The following AMER2 variants were observed in gnomAD, a reference collection of about 807,000 sequenced individuals.
AMER2 encodes the protein APC membrane recruitment protein 2.
AMER2 carries 1 observed loss-of-function variant against 4.7 expected under a neutral mutation model. The observed-to-expected ratio is 0.21, with a 90% CI of 0.07 to 1.00. The LOEUF is 1.00. Among genes scored for constraint, AMER2 ranks in the 50% least tolerant of loss-of-function variants. The pLI is 0.60. For synonymous variants in AMER2, 485 were observed against 433.3 expected, an observed-to-expected ratio of 1.12 and a Z score of -1.48; for missense variants, 988 against 966.9, an observed-to-expected ratio of 1.02 and a Z score of -0.29.
Position 25,168,456 on chromosome 13 carries a change from G to T in AMER2, c.*1148C>A, listed in dbSNP as rs576039765. 23 of 152,004 alleles carry T rather than the reference G, an allele frequency of 1.5e-4. No homozygotes were observed. Among genetic ancestry groups the T allele is most frequent in the African/African-American group, 4.8e-4 (20 of 41,390 alleles). 9.4% of individuals were successfully genotyped at this position (152,004 alleles called of 1,614,324 possible). A position where few individuals can be genotyped will look rare whatever the true frequency, so the allele number is the denominator to read the frequency against. ...AAAAAAAATCTGAAAACAGGGTTTGGGGTGAGAAACAGACTCTTACCCAAA... is the reference window on the plus strand; with the variant it reads ...AAAAAAAATCTGAAAACAGGGTTTGTGGTGAGAAACAGACTCTTACCCAAA... On this transcript the variant is annotated 3_prime_UTR_variant, in exon 1 of 1. Transcript: ENST00000515384.
At position 25,169,968 on chromosome 13, in the gene AMER2, C is replaced by A; in HGVS notation, c.1652G>T (p.Ser551Ile). ...ATAGAGATCATAGAGCGCGTCCCCG[C>A]TGTAGCTATCCCGGGGGATGCCCGC... ...KKAGIPRDSY[S>I]GDALYDLYAD... Residue 551 changes from serine (S) to isoleucine (I), a missense_variant, in exon 1 of 1, where the codon AGC (serine) becomes ATC (isoleucine). Coordinates refer to ENST00000515384, the MANE Select transcript of AMER2 (RefSeq NM_152704.4). This position sits in a 1 kb window ranked among gnomAD's most constrained non-coding sequence, Gnocchi z 4.2. 1 of 1,614,158 alleles carries A rather than the reference C, an allele frequency of 6.2e-7. No individual in the cohort carries two copies. Among genetic ancestry groups the A allele is most frequent in the Non-Finnish European group, 8.5e-7 (1 of 1,180,018 alleles).
Position 25,170,904 on chromosome 13 carries a change from T to C in AMER2, c.716A>G (p.Glu239Gly). 6.8e-7 allele frequency: 1 copy of C among 1,472,962 alleles called. No individual in the cohort carries two copies. The highest frequency in any genetic ancestry group is 8.9e-7 in the Non-Finnish European group (1 of 1,119,732). 91.2% of individuals were successfully genotyped at this position (1,472,962 alleles called of 1,614,324 possible). ...CTCGCGCGCGGCTCTGGGCGTCTCC[T>C]CCTTGACGCACTCCAGGCTGGCGGT... is the stretch of plus-strand genomic sequence containing the variant. Reference protein sequence around the residue: ...SLTASLECVKEETPRAAREPE... With the variant: ...SLTASLECVKGETPRAAREPE... Residue 239 changes from glutamate to glycine, a missense_variant, in exon 1 of 1, where the codon GAG becomes GGG. By Grantham distance (98) the Glu-to-Gly change is moderately conservative (BLOSUM62 -2). Transcript: ENST00000515384. This position sits in a 1 kb window ranked among gnomAD's most constrained non-coding sequence, Gnocchi z 7.3.
rs968444615 is a variant in AMER2 at position 25,166,392 on chromosome 13, A to G, written c.*3212T>C. On this transcript the variant is annotated 3_prime_UTR_variant, in exon 1 of 1. Transcript: ENST00000515384. ...AAATGCTGTAGTAAAATTTCTCCCA[A>G]TTGGTGCTAATGGCAGGATAAACGC... The G allele has an allele frequency of 3.9e-5, 6 of 152,216 alleles. No homozygotes were observed. Among genetic ancestry groups the G allele is most frequent in the South Asian group, 2.1e-4 (1 of 4,828 alleles). 9.4% of individuals were successfully genotyped at this position (152,216 alleles called of 1,614,324 possible).
In AMER2 at chr13:25,169,032, G is replaced by A. The variant is rs1281790631; in HGVS notation, c.*572C>T. Reference sequence around the variant, plus strand: ...ATCAGTGGTCCCCTCTGCTCATCAGGTAAATACCTGGCTCTTTCAGCTTTG... The same window carrying A: ...ATCAGTGGTCCCCTCTGCTCATCAGATAAATACCTGGCTCTTTCAGCTTTG... On this transcript the variant is annotated 3_prime_UTR_variant, in exon 1 of 1. Transcript: ENST00000515384. This position sits in a 1 kb window ranked among gnomAD's most constrained non-coding sequence, Gnocchi z 4.2. 2.6e-5 allele frequency: 4 copies of A among 152,686 alleles called. No homozygotes were observed. Among genetic ancestry groups the A allele is most frequent in the African/African-American group, 7.2e-5 (3 of 41,464 alleles). The allele number at this position is 152,686 out of a possible 1,614,324, so 9.5% of individuals were successfully genotyped here.
At position 25,164,398 on chromosome 13, in the gene AMER2, G is replaced by A. The variant is rs1347252858; in HGVS notation, c.*5206C>T. 6.6e-6 allele frequency: 1 copy of A among 151,542 alleles called. No homozygotes were observed. The highest frequency in any genetic ancestry group is 1.9e-4 in the East Asian group (1 of 5,142). 9.4% of individuals were successfully genotyped at this position (151,542 alleles called of 1,614,324 possible). ...CCTACTCAGCATAGCACAGTGGCAG[G>A]GTTCCCTGTATATGATTGTGAGCAC... On this transcript the variant is annotated 3_prime_UTR_variant, in exon 1 of 1. Coordinates refer to ENST00000515384, the MANE Select transcript of AMER2 (RefSeq NM_152704.4).
In AMER2 at chr13:25,171,723, C is replaced by A; in HGVS notation, c.-104G>T. ...TGAGCCGCGCTCGCCGCCGCCGCTGCAAAAGAAACACACATAAAAGACCAT... is the reference window on the plus strand; with the variant it reads ...TGAGCCGCGCTCGCCGCCGCCGCTGAAAAAGAAACACACATAAAAGACCAT... On this transcript the variant is annotated 5_prime_UTR_variant, in exon 1 of 1. Transcript: ENST00000515384. This position sits in a 1 kb window ranked among gnomAD's most constrained non-coding sequence, Gnocchi z 5.9. 1 of 1,411,310 alleles carries A rather than the reference C, an allele frequency of 7.1e-7. No homozygotes were observed. The highest frequency in any genetic ancestry group is 9.1e-7 in the Non-Finnish European group (1 of 1,093,328). The allele number at this position is 1,411,310 out of a possible 1,614,324, so 87.4% of individuals were successfully genotyped here. A position where few individuals can be genotyped will look rare whatever the true frequency, so the allele number is the denominator to read the frequency against.
At position 25,171,085 on chromosome 13, in the gene AMER2, C is replaced by T. The variant is rs1956565496; in HGVS notation, c.535G>A (p.Glu179Lys). Residue 179 changes from glutamate to lysine, a missense_variant, in exon 1 of 1, where the codon GAG becomes AAG. Physicochemically the swap from Glu to Lys is moderately conservative, Grantham distance 56 (BLOSUM62 1). Coordinates refer to ENST00000515384, the MANE Select transcript of AMER2 (RefSeq NM_152704.4). This position sits in a 1 kb window ranked among gnomAD's most constrained non-coding sequence, Gnocchi z 5.9. The part of the protein sequence containing the change: ...KNGRSENGKG[E>K]PVDASKAGGK... ...CCGGCCTTGCTCGCGTCCACAGGCT[C>T]TCCCTTGCCGTTTTCCGAGCGCCCG... The T allele has an allele frequency of 1.9e-6, 3 of 1,572,610 alleles. No individual in the cohort carries two copies. Among genetic ancestry groups the T allele is most frequent in the Admixed American group, 1.8e-5 (1 of 55,242 alleles).
rs1411599537 is a variant in AMER2 at position 25,166,818 on chromosome 13, A to G, written c.*2786T>C. ...AAGTAGCCCTTGGCACAAGAAAGCA[A>G]CTATGATCCCTTTTCTATGGTTGGA... On this transcript the variant is annotated 3_prime_UTR_variant, in exon 1 of 1. Transcript: ENST00000515384. 6.6e-6 allele frequency: 1 copy of G among 152,164 alleles called. No individual in the cohort carries two copies. Among genetic ancestry groups the G allele is most frequent in the Non-Finnish European group, 1.5e-5 (1 of 68,020 alleles). The allele number at this position is 152,164 out of a possible 1,614,324, so 9.4% of individuals were successfully genotyped here. A position where few individuals can be genotyped will look rare whatever the true frequency, so the allele number is the denominator to read the frequency against.
Position 25,163,844 on chromosome 13 carries a change from T to A in AMER2, c.*5760A>T, listed in dbSNP as rs765607905. The A allele has an allele frequency of 1.3e-5, 2 of 152,284 alleles. No homozygotes were observed. The highest frequency in any genetic ancestry group is 4.8e-5 in the African/African-American group (2 of 41,520). The allele number at this position is 152,284 out of a possible 1,614,324, so 9.4% of individuals were successfully genotyped here. A position where few individuals can be genotyped will look rare whatever the true frequency, so the allele number is the denominator to read the frequency against. ...AGGTAACCCGGGCGTGGTGGCTCAT[T>A]GCCTGTAATCCCAACACTTTGGAGG... On this transcript the variant is annotated 3_prime_UTR_variant, in exon 1 of 1. Coordinates refer to ENST00000515384, the MANE Select transcript of AMER2 (RefSeq NM_152704.4).
At position 25,169,407 on chromosome 13, in the gene AMER2, G is replaced by T; in HGVS notation, c.*197C>A. The stretch of plus-strand genomic sequence containing the variant: ...TTATCTTGAGAGGAGAAACCCCCGT[G>T]TAGCATCCCTCTTTCTGGTGTTATC... On this transcript the variant is annotated 3_prime_UTR_variant, in exon 1 of 1. Transcript: ENST00000515384. The surrounding 1 kb of genome is among the most constrained non-coding windows in gnomAD (Gnocchi z 4.2). 5.3e-6 allele frequency: 3 copies of T among 571,210 alleles called. No homozygotes were observed. The highest frequency in any genetic ancestry group is 8.5e-6 in the Non-Finnish European group (3 of 352,992). The allele number at this position is 571,210 out of a possible 1,614,324, so 35.4% of individuals were successfully genotyped here. A position where few individuals can be genotyped will look rare whatever the true frequency, so the allele number is the denominator to read the frequency against.
In AMER2 at chr13:25,166,544, A is replaced by ATT. The variant is rs1182631471; in HGVS notation, c.*3058_*3059dup. The ATT allele has an allele frequency of 1.3e-5, 2 of 152,190 alleles. No individual in the cohort carries two copies. The highest frequency in any genetic ancestry group is 2.9e-5 in the Non-Finnish European group (2 of 68,028). 9.4% of individuals were successfully genotyped at this position (152,190 alleles called of 1,614,324 possible). On this transcript the variant is annotated 3_prime_UTR_variant, in exon 1 of 1. Coordinates refer to ENST00000515384, the MANE Select transcript of AMER2 (RefSeq NM_152704.4). ...CCGATAAATTTTCGCCCAACAATTG[A>ATT]TTTGACTTTTTCCTGTCTAATTTGG...
At position 25,170,594 on chromosome 13, in the gene AMER2, C is replaced by A. The variant is rs778649468; in HGVS notation, c.1026G>T (p.Ala342=). 2 of 1,588,612 alleles carry A rather than the reference C, an allele frequency of 1.3e-6. No homozygotes were observed. Among genetic ancestry groups the A allele is most frequent in the Non-Finnish European group, 1.7e-6 (2 of 1,167,528 alleles). Residue 342 remains alanine (A), a synonymous_variant, in exon 1 of 1, where the codon GCG becomes GCT. Coordinates refer to ENST00000515384, the MANE Select transcript of AMER2 (RefSeq NM_152704.4). This position sits in a 1 kb window ranked among gnomAD's most constrained non-coding sequence, Gnocchi z 7.3. ...LVDSEGGSGR[A]PAAPDPASVD... is the part of the protein sequence containing the mutation. ...CAGAGGCAGGGTCTGGGGCGGCGGGCGCCCGGCCGCTGCCGCCTTCGGAGT... is the reference window on the plus strand; with the variant it reads ...CAGAGGCAGGGTCTGGGGCGGCGGGAGCCCGGCCGCTGCCGCCTTCGGAGT...
rs1956410596 is a variant in AMER2 at position 25,161,825 on chromosome 13, T to C, written c.*7779A>G. On this transcript the variant is annotated 3_prime_UTR_variant, in exon 1 of 1. Transcript: ENST00000515384. ...AAGCTTCTTACATTCATTAAAAGAG[T>C]GACTATCAAAAACAGCAACATGCAC... 6.6e-6 allele frequency: 1 copy of C among 151,934 alleles called. No homozygotes were observed. Among genetic ancestry groups the C allele is most frequent in the Non-Finnish European group, 1.5e-5 (1 of 68,014 alleles). The allele number at this position is 151,934 out of a possible 1,614,324, so 9.4% of individuals were successfully genotyped here. A position where few individuals can be genotyped will look rare whatever the true frequency, so the allele number is the denominator to read the frequency against.
chr13:25,170,137 G>A lies in AMER2; in HGVS notation c.1483C>T (p.Arg495Trp), dbSNP rs372214037. The change falls in exon 1 of 1, where the codon CGG becomes TGG. Residue 495 changes from arginine to tryptophan, a missense_variant. By Grantham distance (101) the Arg-to-Trp change is moderately radical. Coordinates refer to ENST00000515384, the MANE Select transcript of AMER2 (RefSeq NM_152704.4). This position sits in a 1 kb window ranked among gnomAD's most constrained non-coding sequence, Gnocchi z 7.3. ...ASSVKRRRLNRIPIEPHPKEE... is the reference protein window; with the variant it reads ...ASSVKRRRLNWIPIEPHPKEE... ...TTAGGATGGGGCTCGATGGGAATCC[G>A]GTTGAGCCTCCTGCGCTTGACCGAG... 4.3e-6 allele frequency: 7 copies of A among 1,613,874 alleles called. No individual in the cohort carries two copies. The highest frequency in any genetic ancestry group is 5.9e-6 in the Non-Finnish European group (7 of 1,180,014).
At position 25,170,743 on chromosome 13, in the gene AMER2, T is replaced by G. The variant is rs1956551645; in HGVS notation, c.877A>C (p.Thr293Pro). 5.7e-6 allele frequency: 8 copies of G among 1,409,726 alleles called. No individual in the cohort carries two copies. The East Asian group carries it at 2.4e-4, about 42-fold the overall frequency. 87.3% of individuals were successfully genotyped at this position (1,409,726 alleles called of 1,614,324 possible). A position where few individuals can be genotyped will look rare whatever the true frequency, so the allele number is the denominator to read the frequency against. Residue 293 changes from threonine (T) to proline (P), a missense_variant, in exon 1 of 1, where the codon ACC (threonine) becomes CCC (proline). By Grantham distance (38) the Thr-to-Pro change is conservative. Coordinates refer to ENST00000515384, the MANE Select transcript of AMER2 (RefSeq NM_152704.4). The surrounding 1 kb of genome is among the most constrained non-coding windows in gnomAD (Gnocchi z 7.3). ...GCGGCGTCCTCTCCCCGGGCGCCGG[T>G]GTCGCCGGGGTGCGCGAGGCCCTCT... The part of the protein sequence containing the change: ...EAEGLAHPGD[T>P]GARGEDAAGH...
In AMER2 at chr13:25,171,449, C is replaced by T; in HGVS notation, c.171G>A (p.Glu57=). 2 of 1,611,954 alleles carry T rather than the reference C, an allele frequency of 1.2e-6. No individual in the cohort carries two copies. Among genetic ancestry groups the T allele is most frequent in the East Asian group, 2.2e-5 (1 of 44,736 alleles). ...CTTTATTAATCTTCCCCGACGGCGG[C>T]TCGGCGGCCGGCGTTTCGGCGGCAC... is the stretch of plus-strand genomic sequence containing the variant. ...CDCAAETPAA[E]PPSGKINKAA... is the part of the protein sequence containing the mutation. Residue 57 remains glutamate, a synonymous_variant, in exon 1 of 1, where the codon GAG becomes GAA. Transcript: ENST00000515384. The surrounding 1 kb of genome is among the most constrained non-coding windows in gnomAD (Gnocchi z 5.9).
At position 25,171,100 on chromosome 13, in the gene AMER2, C is replaced by T. The variant is rs1296346360; in HGVS notation, c.520G>A (p.Glu174Lys). 1 of 1,565,276 alleles carries T rather than the reference C, an allele frequency of 6.4e-7. No homozygotes were observed. Residue 174 changes from glutamate (E) to lysine (K), a missense_variant, in exon 1 of 1, where the codon GAA becomes AAA. Coordinates refer to ENST00000515384, the MANE Select transcript of AMER2 (RefSeq NM_152704.4). The surrounding 1 kb of genome is among the most constrained non-coding windows in gnomAD (Gnocchi z 5.9). ...TCCACAGGCTCTCCCTTGCCGTTTT[C>T]CGAGCGCCCGTTCTTCTTCAGCAGC... ...FSLLKKNGRS[E>K]NGKGEPVDAS...
chr13:25,170,819 C>A lies in AMER2; in HGVS notation c.801G>T (p.Glu267Asp). The A allele has an allele frequency of 7.1e-7, 1 of 1,409,574 alleles. No individual in the cohort carries two copies. Among genetic ancestry groups the A allele is most frequent in the East Asian group, 2.8e-5 (1 of 35,826 alleles). 87.3% of individuals were successfully genotyped at this position (1,409,574 alleles called of 1,614,324 possible). A position where few individuals can be genotyped will look rare whatever the true frequency, so the allele number is the denominator to read the frequency against. ...RDPAGEPAGG[E>D]EVPAPADRAP... The stretch of plus-strand genomic sequence containing the variant: ...CGCGGTCGGCGGGGGCGGGCACCTC[C>A]TCTCCCCCTGCGGGCTCACCTGCTG... Residue 267 changes from glutamate (E) to aspartate (D), a missense_variant, in exon 1 of 1, where the codon GAG becomes GAT. Physicochemically the swap from Glu to Asp is conservative, Grantham distance 45. Transcript: ENST00000515384. The surrounding 1 kb of genome is among the most constrained non-coding windows in gnomAD (Gnocchi z 7.3).
Position 25,171,873 on chromosome 13 carries a change from T to C in AMER2, c.-254A>G, listed in dbSNP as rs1593691346. 3 of 579,146 alleles carry C rather than the reference T, an allele frequency of 5.2e-6. No homozygotes were observed. The highest frequency in any genetic ancestry group is 7.8e-6 in the Non-Finnish European group (3 of 386,834). The allele number at this position is 579,146 out of a possible 1,614,324, so 35.9% of individuals were successfully genotyped here. On this transcript the variant is annotated 5_prime_UTR_variant, in exon 1 of 1. Transcript: ENST00000515384. This position sits in a 1 kb window ranked among gnomAD's most constrained non-coding sequence, Gnocchi z 5.9. ...CGCGAGCTGATTGCAGAAATTCGAG[T>C]CGTAATTATGGAATTCAAATTCCCT...
Sources: allele counts gnomAD v4.1 joint callset, GRCh38; gene constraint gnomAD v4.1.1; non-coding constraint Gnocchi (gnomAD v3.1); transcripts MANE v1.5; gene names NCBI Gene and HGNC (gene_info 2026-07-23, HGNC 2026-07-21).